Variants in NUTM2F observed in about 807,000 individuals in gnomAD.
NUTM2F encodes the protein NUT family member 2F.
A neutral mutation model predicts 43.3 loss-of-function variants in NUTM2F; 22 were observed. The ratio of observed to expected loss-of-function variants is 0.51; its 90% confidence interval spans 0.36 to 0.73. The LOEUF is 0.73. Ranked by LOEUF, NUTM2F falls within the 30% of genes least tolerant of loss-of-function variation. NUTM2F has a pLI of 0.00. For missense variants in NUTM2F, 488 were observed against 927.4 expected, an observed-to-expected ratio of 0.53 and a Z score of 6.15; for synonymous variants, 202 against 389.0, an observed-to-expected ratio of 0.52 and a Z score of 5.66.
chr9:94,327,106 C>CT (rs374345559), intron 1 of NUTM2F, among the ~76,000 whole-genome samples: 549 of 108,684 alleles, frequency 5.1e-3, no homozygotes, highest in African/African-American at 0.015. Flanking sequence ...TCTTTTTTTT[C>CT]TTTTTTTTTT....
At chr9:94,328,397 A>G (rs1461487344) in intron 1 of NUTM2F, among the ~76,000 whole-genome samples, 1 of 152,084 alleles carries the variant, frequency 6.6e-6, no homozygotes, top group African/African-American at 2.4e-5. Context: ...GTATTCCCCC[A>G]GGCATCTTGG....
At position 94,323,472 on chromosome 9, in the gene NUTM2F, T is replaced by C. The variant is rs541303598; in HGVS notation, c.714-1143A>G. Among the ~76,000 whole-genome samples the C allele has an allele frequency of 4.7e-3, 715 of 152,244 alleles. 7 individuals carry two copies. Among genetic ancestry groups the C allele is most frequent in the African/African-American group, 0.017 (688 of 41,556 alleles). On this transcript the variant is annotated intron_variant, in intron 2 of 6. Transcript: ENST00000253262. ...TGAAACCACAAACTCTCCCAGATGC[T>C]GATGTTGCTGCCTCACAGTCACCAC...
chr9:94,320,314 T>G lies in NUTM2F; in HGVS notation c.1262A>C (p.Glu421Ala), dbSNP rs1179189891. 1.9e-6 allele frequency: 3 copies of G among 1,613,894 alleles called. No individual in the cohort carries two copies. Among genetic ancestry groups the G allele is most frequent in the Non-Finnish European group, 2.5e-6 (3 of 1,179,866 alleles). Reference sequence around the variant, plus strand: ...CTGCGGCTGCTCCACTTTGCCCTTTTCCCGTTGTCCCTCAGGCTCCCCTGT... The same window carrying G: ...CTGCGGCTGCTCCACTTTGCCCTTTGCCCGTTGTCCCTCAGGCTCCCCTGT... The part of the protein sequence containing the change: ...GDTGEPEGQR[E>A]KGKVEQPQEE... Residue 421 changes from glutamate to alanine, a missense_variant, in exon 5 of 7, where the codon GAA becomes GCA. Glu to Ala is a moderately radical substitution (Grantham distance 107, BLOSUM62 -1). Transcript: ENST00000253262. The surrounding 1 kb of genome is among the most constrained non-coding windows in gnomAD (Gnocchi z 4.5).
chr9:94,322,370 C>G, intron 2 of NUTM2F, 41 bp from the exon 3 acceptor site: 11 of 1,611,162 alleles, frequency 6.8e-6, no homozygotes, highest in Non-Finnish European at 8.5e-6. Context: ...TAAGCCCACC[C>G]TCCATCCCGG....
intron 2 of NUTM2F, among the ~76,000 whole-genome samples, chr9:94,323,990 G>T (rs1275925829): frequency 6.6e-6 from 1 of 152,182 alleles, no homozygotes; most frequent in African/African-American, 2.4e-5. Context: ...TAAACCCAGG[G>T]TGGGTGCGGT....
rs766744587 is a variant in NUTM2F, at chr9:94,318,972, C to T, written c.1764G>A (p.Lys588=). The T allele has an allele frequency of 1.9e-6, 3 of 1,611,580 alleles. No homozygotes were observed. In the South Asian group the frequency reaches 3.3e-5, roughly 18 times the overall value. Reference sequence around the variant, plus strand: ...GGGGAGGAGAGGTTGGCCGGACAGCCTTCAGCCTGGGGGAATCCTGACATC... The same window carrying T: ...GGGGAGGAGAGGTTGGCCGGACAGCTTTCAGCCTGGGGGAATCCTGACATC... ...LLGCQDSPRL[K]AVRPTSPPQD... Residue 588 remains lysine (K), a synonymous_variant, in exon 7 of 7, where the codon AAG becomes AAA. Transcript: ENST00000253262.
chr9:94,328,296 C>T (rs955372254), intron 1 of NUTM2F, among the ~76,000 whole-genome samples: 1 of 152,014 alleles, frequency 6.6e-6, no homozygotes, highest in Non-Finnish European at 1.5e-5. Context: ...CAGCACAACA[C>T]GATCCCACCA....
intron 1 of NUTM2F, among the ~76,000 whole-genome samples, chr9:94,327,792 G>A (rs1564103631): frequency 6.9e-6 from 1 of 143,952 alleles, no homozygotes; most frequent in Non-Finnish European, 1.5e-5. Context: ...TCATGAGGTA[G>A]TATAAATGGA....
chr9:94,324,552 A>G (rs1192637269), intron 2 of NUTM2F, among the ~76,000 whole-genome samples: 1 of 150,742 alleles, frequency 6.6e-6, no homozygotes, highest in African/African-American at 2.4e-5. Context: ...AGTCCCAGCT[A>G]CTCGGGAGCC....
chr9:94,320,174 A>T lies in NUTM2F; in HGVS notation c.1368+34T>A, dbSNP rs1427323688. Reference sequence around the variant, plus strand: ...GGACCTGGAAGTGCCACCCCCTGGAATCCTACAGACCACAGCACTCCAGGC... The same window carrying T: ...GGACCTGGAAGTGCCACCCCCTGGATTCCTACAGACCACAGCACTCCAGGC... On this transcript the variant is annotated intron_variant, in intron 5 of 6. Transcript: ENST00000253262. The surrounding 1 kb of genome is among the most constrained non-coding windows in gnomAD (Gnocchi z 4.5). 1 of 1,597,894 alleles carries T rather than the reference A, an allele frequency of 6.3e-7. No individual in the cohort carries two copies. Among genetic ancestry groups the T allele is most frequent in the East Asian group, 2.2e-5 (1 of 44,800 alleles).
chr9:94,328,571 G>A (rs1243001911), intron 1 of NUTM2F, 37 bp downstream of exon 1: 1 of 1,613,864 alleles, frequency 6.2e-7, no homozygotes, highest in Non-Finnish European at 8.5e-7. Flanking sequence ...GTTGAGGCAA[G>A]GCAGACTCGG....
At position 94,325,862 on chromosome 9, in the gene NUTM2F, A is replaced by G. The variant is rs1332602611; in HGVS notation, c.89T>C (p.Phe30Ser). Residue 30 changes from phenylalanine (F) to serine (S), a missense_variant, in exon 2 of 7, where the codon TTT becomes TCT. Phe to Ser is a radical substitution (Grantham distance 155). Coordinates refer to ENST00000253262, the MANE Select transcript of NUTM2F (RefSeq NM_017561.2). Reference protein sequence around the residue: ...TSLSVFTALPFATPAPGPAHR... With the variant: ...TSLSVFTALPSATPAPGPAHR... ...TGCTGGGCCGGGAGCGGGTGTGGCA[A>G]AGGGCAGAGCCGTGAACACAGACAG... The G allele has an allele frequency of 1.2e-6, 2 of 1,611,880 alleles. No individual in the cohort carries two copies. Among genetic ancestry groups the G allele is most frequent in the African/African-American group, 2.7e-5 (2 of 74,876 alleles).
rs757552587 is a variant in NUTM2F at position 94,325,632 on chromosome 9, G to A, written c.319C>T (p.Leu107Phe). The A allele has an allele frequency of 6.2e-7, 1 of 1,606,100 alleles. No individual in the cohort carries two copies. Among genetic ancestry groups the A allele is most frequent in the Admixed American group, 1.7e-5 (1 of 59,326 alleles). ...AGGGTGCCTGGAGCCTGCCAGACGAGGGGGGCCTGAGTTAGGATCAAGGTC... is the reference window on the plus strand; with the variant it reads ...AGGGTGCCTGGAGCCTGCCAGACGAAGGGGGCCTGAGTTAGGATCAAGGTC... ...AQTLILTQAPLVWQAPGTLCG... is the reference protein window; with the variant it reads ...AQTLILTQAPFVWQAPGTLCG... The change falls in exon 2 of 7, where the codon CTC becomes TTC. Residue 107 changes from leucine (L) to phenylalanine (F), a missense_variant. Transcript: ENST00000253262.
chr9:94,319,862 C>A, intron 5 of NUTM2F, 133 bp from the exon 6 acceptor site: 2 of 1,139,794 alleles, frequency 1.8e-6, no homozygotes, highest in Non-Finnish European at 2.6e-6. Context: ...ATCATGGCGA[C>A]CACCAGCTAC....
chr9:94,323,726 T>C (rs1831410309), intron 2 of NUTM2F, among the ~76,000 whole-genome samples: 1 of 152,178 alleles, frequency 6.6e-6, no homozygotes, highest in Non-Finnish European at 1.5e-5. Flanking sequence ...TGAAACACCA[T>C]TGTCCTTTTT....
At chr9:94,321,880 A>C (rs1480157189) in intron 3 of NUTM2F, among the ~76,000 whole-genome samples, 2 of 151,202 alleles carry the variant, frequency 1.3e-5, no homozygotes, top group Non-Finnish European at 3.0e-5. Context: ...TTTAGTCACT[A>C]GCACCCCTTC....
At position 94,320,097 on chromosome 9, in the gene NUTM2F, C is replaced by T. The variant is rs1831337266; in HGVS notation, c.1368+111G>A. The T allele has an allele frequency of 1.1e-6, 1 of 908,834 alleles. No homozygotes were observed. The highest frequency in any genetic ancestry group is 1.7e-6 in the Non-Finnish European group (1 of 595,978). The allele number at this position is 908,834 out of a possible 1,614,324, so 56.3% of individuals were successfully genotyped here. On this transcript the variant is annotated intron_variant, in intron 5 of 6. Transcript: ENST00000253262. This position sits in a 1 kb window ranked among gnomAD's most constrained non-coding sequence, Gnocchi z 4.5. ...CAGTCACATACACAGACACTCAAAT[C>T]CATGGAAATACACATACTACTGAGT...
At chr9:94,324,688 A>C (rs1266219005) in intron 2 of NUTM2F, among the ~76,000 whole-genome samples, 2 of 145,074 alleles carry the variant, frequency 1.4e-5, no homozygotes, top group Admixed American at 6.9e-5. Flanking sequence ...AGAAAAGAAA[A>C]GAAAAGAAAG....
rs752732899 is a variant in NUTM2F at position 94,325,845 on chromosome 9, C to G, written c.106G>C (p.Gly36Arg). Residue 36 changes from glycine (G) to arginine (R), a missense_variant, in exon 2 of 7, where the codon GGC (glycine) becomes CGC (arginine). Coordinates refer to ENST00000253262, the MANE Select transcript of NUTM2F (RefSeq NM_017561.2). ...TALPFATPAP[G>R]PAHRPPLVTA... is the part of the protein sequence containing the mutation. ...ACGAGGGGCGGCCTGTGTGCTGGGC[C>G]GGGAGCGGGTGTGGCAAAGGGCAGA... 3 of 1,611,846 alleles carry G rather than the reference C, an allele frequency of 1.9e-6. No homozygotes were observed. Among genetic ancestry groups the G allele is most frequent in the African/African-American group, 1.3e-5 (1 of 74,848 alleles).
Sources: allele counts gnomAD v4.1 joint callset (sites outside exome capture counted in the v4.1 genomes callset), GRCh38; gene constraint gnomAD v4.1.1; non-coding constraint Gnocchi (gnomAD v3.1); transcripts MANE v1.5; gene names NCBI Gene and HGNC (gene_info 2026-07-23, HGNC 2026-07-21).